The following EPC1 variants were observed in gnomAD, a reference collection of about 807,000 sequenced individuals.
The protein encoded by EPC1 is enhancer of polycomb homolog 1.
Under a neutral mutation model 98.4 loss-of-function variants are expected in EPC1, and 12 were observed. The ratio of observed to expected loss-of-function variants is 0.12; its 90% CI spans 0.08 to 0.20. The LOEUF is 0.20. Among genes scored for constraint, EPC1 ranks in the 10% least tolerant of loss-of-function variants. EPC1 has a pLI of 1.00. For missense variants in EPC1, 729 were observed against 990.5 expected, an observed-to-expected ratio of 0.74 and a Z score of 3.54; for synonymous variants, 357 against 363.9, an observed-to-expected ratio of 0.98 and a Z score of 0.21.
chr10:32,377,744 GAGCACTAC>G (rs1222873286), intron 1 of EPC1, among the ~76,000 whole-genome samples: 1 of 150,844 alleles, frequency 6.6e-6, no homozygotes, highest in Non-Finnish European at 1.5e-5. Context: ...AATTGTTGAG[GAGCACTAC>G]AGCGCCACCA....
intron 1 of EPC1, among the ~76,000 whole-genome samples, chr10:32,330,578 AT>A: frequency 6.6e-6 from 1 of 152,204 alleles, no homozygotes; most frequent in East Asian, 1.9e-4. Context: ...ACTGGATTAT[AT>A]TCCATTATTT....
At chr10:32,300,958 G>C (rs562230885) in intron 2 of EPC1, among the ~76,000 whole-genome samples, 95 of 152,054 alleles carry the variant, frequency 6.2e-4, no homozygotes, top group African/African-American at 2.0e-3. Flanking sequence ...CGTTTAGTGG[G>C]GAATAAATTA....
rs940535355 is a variant in EPC1, at chr10:32,320,340, CTTTCTTAA to C, written c.154-14417_154-14410del. Among the ~76,000 whole-genome samples, 9 of 152,200 alleles carry C rather than the reference CTTTCTTAA, an allele frequency of 5.9e-5. No individual in the cohort carries two copies. In the East Asian group the frequency reaches 1.4e-3, roughly 23 times the overall value. On this transcript the variant is annotated intron_variant, in intron 1 of 13. Transcript: ENST00000319778. ...AGTGAAAGTCTCTTTCTTAAATTCC[CTTTCTTAA>C]TTTCTTAATTTCTCTATTTAAACTA...
At chr10:32,312,230 ACGAGCAATAGC>A (rs1464596333) in intron 1 of EPC1, among the ~76,000 whole-genome samples, 15 of 152,164 alleles carry the variant, frequency 9.9e-5, no homozygotes, top group Non-Finnish European at 1.6e-4. Context: ...TCCTTTTTCT[ACGAGCAATAGC>A]GGCTGCAGGG....
Position 32,325,537 on chromosome 10 carries a change from G to A in EPC1, c.154-19606C>T, listed in dbSNP as rs9943411. On this transcript the variant is annotated intron_variant, in intron 1 of 13. Coordinates refer to ENST00000319778, the MANE Select transcript of EPC1 (RefSeq NM_001272004.3). Reference sequence around the variant, plus strand: ...TATCTTTTCTTGTAAAGGTTCTGAGGCTAATATAAACATCACACAAATTCC... The same window carrying A: ...TATCTTTTCTTGTAAAGGTTCTGAGACTAATATAAACATCACACAAATTCC... Among the ~76,000 whole-genome samples the A allele has an allele frequency of 2.2e-3, 330 of 152,296 alleles. 2 individuals carry two copies. The highest frequency in any genetic ancestry group is 7.6e-3 in the African/African-American group (316 of 41,570).
upstream of EPC1, among the ~76,000 whole-genome samples, chr10:32,348,665 C>T (rs1031184487): frequency 2.0e-5 from 3 of 152,202 alleles, no homozygotes; most frequent in African/African-American, 7.2e-5. Context: ...GAGACCGTGC[C>T]TTTATTCATT....
At chr10:32,276,495 G>C (rs1434494001) in intron 10 of EPC1, among the ~76,000 whole-genome samples, 1 of 152,238 alleles carries the variant, frequency 6.6e-6, no homozygotes, top group African/African-American at 2.4e-5. Context: ...CTGGGCCACA[G>C]AGCAAGACTT....
intron 1 of EPC1, among the ~76,000 whole-genome samples, chr10:32,375,602 T>C (rs1839855195): frequency 6.6e-6 from 1 of 152,058 alleles, no homozygotes; most frequent in Non-Finnish European, 1.5e-5. Flanking sequence ...CATTATTTCT[T>C]TCTGCTTTCT....
chr10:32,355,225 C>T (rs2133090139), intron 1 of EPC1, among the ~76,000 whole-genome samples: 1 of 152,250 alleles, frequency 6.6e-6, no homozygotes, highest in South Asian at 2.1e-4. Flanking sequence ...TCTATGACAG[C>T]ATTTTAAGGA....
chr10:32,323,968 C>A (rs769139351), intron 1 of EPC1, among the ~76,000 whole-genome samples: 3 of 152,048 alleles, frequency 2.0e-5, no homozygotes, highest in Non-Finnish European at 4.4e-5. Flanking sequence ...CAGAGTCTCG[C>A]TCTGTCGCCC....
chr10:32,336,749 A>C (rs939300493), intron 1 of EPC1, among the ~76,000 whole-genome samples: 8 of 152,026 alleles, frequency 5.3e-5, no homozygotes, highest in African/African-American at 1.9e-4. Context: ...CCTTTCACAA[A>C]GGAAAAAAAA....
chr10:32,346,622 G>A (rs1838839903), intron 1 of EPC1, 141 bp downstream of exon 1: 3 of 853,544 alleles, frequency 3.5e-6, no homozygotes, highest in East Asian at 5.3e-5. Context: ...GGGAGGCGGG[G>A]TATAGGCCCG....
rs1469603780 is a variant in EPC1 at position 32,290,502 on chromosome 10, A to AG, written c.975+660_975+661insC. 9.7e-3 allele frequency among the ~76,000 whole-genome samples: 1,108 copies of AG among 114,162 alleles called. 40 individuals carry two copies. The highest frequency in any genetic ancestry group is 0.032 in the African/African-American group (1,036 of 31,930). 74.9% of individuals were successfully genotyped at this position (114,162 alleles called of 152,430 possible). The stretch of plus-strand genomic sequence containing the variant: ...CTCTGTCAAAAAAAAAAAAAAAAAA[A>AG]AAAAAAGAAAGAAAGAAAAACTCAT... On this transcript the variant is annotated intron_variant, in intron 6 of 13. Transcript: ENST00000319778.
At chr10:32,288,225 T>C (rs945527326) in intron 6 of EPC1, among the ~76,000 whole-genome samples, 3 of 151,964 alleles carry the variant, frequency 2.0e-5, no homozygotes, top group East Asian at 1.9e-4. Context: ...AAGTTGGCCA[T>C]GGCAATGCAA....
At chr10:32,342,518 T>C (rs139668181) in intron 1 of EPC1, among the ~76,000 whole-genome samples, 3,242 of 152,284 alleles carry the variant, frequency 0.021, 41 homozygotes, top group Non-Finnish European at 0.031. Context: ...GTGCCAGTAA[T>C]ACAGAAAAGG....
upstream of EPC1, chr10:32,347,164 C>G: frequency 7.2e-7 from 1 of 1,380,140 alleles, no homozygotes; most frequent in African/African-American, 1.5e-5. Context: ...ACTGTGCGCT[C>G]TTCAGCCAAC....
At chr10:32,369,626 T>C (rs902214311) in intron 1 of EPC1, among the ~76,000 whole-genome samples, 8 of 152,152 alleles carry the variant, frequency 5.3e-5, no homozygotes, top group East Asian at 1.9e-4. Flanking sequence ...TCCAGAAAGA[T>C]TTAGAATGTG....
At chr10:32,270,998 CTTTT>C (rs56373530) in intron 13 of EPC1, among the ~76,000 whole-genome samples, 2 of 140,804 alleles carry the variant, frequency 1.4e-5, no homozygotes. Flanking sequence ...GCATTATACG[CTTTT>C]TTTTTTTTTT....
intron 1 of EPC1, among the ~76,000 whole-genome samples, chr10:32,343,873 A>G (rs1450998785): frequency 6.6e-6 from 1 of 152,226 alleles, no homozygotes; most frequent in Non-Finnish European, 1.5e-5. Flanking sequence ...CAACGTAACA[A>G]TTACTAGGTG....
Sources: allele counts gnomAD v4.1 joint callset (sites outside exome capture counted in the v4.1 genomes callset), GRCh38; gene constraint gnomAD v4.1.1; transcripts MANE v1.5; gene names NCBI Gene and HGNC (gene_info 2026-07-23, HGNC 2026-07-21).